The following ATP8A2 variants were observed in gnomAD, a reference collection of about 807,000 sequenced individuals.
ATP8A2 encodes phospholipid-transporting ATPase IB.
Under a neutral mutation model 165.6 loss-of-function variants are expected in ATP8A2, and 100 were observed. That is an observed-to-expected ratio of 0.60 (90% CI 0.51 to 0.71). The LOEUF (loss-of-function observed/expected upper bound fraction) is 0.71. ATP8A2 is among the 30% of genes least tolerant of loss of function. The probability of loss-of-function intolerance (pLI) is 0.00; values close to 1 mark genes in which losing one functional copy is unlikely to be tolerated. For missense variants in ATP8A2, 1,227 were observed against 1,479.5 expected, an observed-to-expected ratio of 0.83 and a Z score of 2.80; for synonymous variants, 543 against 548.8, an observed-to-expected ratio of 0.99 and a Z score of 0.15.
intron 30 of ATP8A2, among the ~76,000 whole-genome samples, chr13:25,851,037 A>T (rs1039267970): frequency 1.6e-4 from 25 of 152,204 alleles, no homozygotes; most frequent in African/African-American, 6.0e-4. Flanking sequence ...AAGTCCCAGA[A>T]TCTCACCTTG....
intron 30 of ATP8A2, among the ~76,000 whole-genome samples, chr13:25,849,738 C>T (rs1486144248): frequency 6.6e-6 from 1 of 152,124 alleles, no homozygotes; most frequent in African/African-American, 2.4e-5. Context: ...TGAACCCCAA[C>T]CAGATTTCAT....
At chr13:25,848,522 C>T (rs1270746343) in intron 30 of ATP8A2, among the ~76,000 whole-genome samples, 10 of 152,270 alleles carry the variant, frequency 6.6e-5, no homozygotes, top group African/African-American at 7.2e-5. Context: ...GTTTACTTTG[C>T]GTCATTTTTA....
chr13:25,927,950 G>A (rs1393012631), intron 33 of ATP8A2, among the ~76,000 whole-genome samples: 3 of 152,196 alleles, frequency 2.0e-5, no homozygotes, highest in African/African-American at 7.2e-5. Context: ...CCCACATTTG[G>A]TATCACTGCA....
At chr13:25,821,494 A>G (rs1452164500) in intron 27 of ATP8A2, among the ~76,000 whole-genome samples, 1 of 152,210 alleles carries the variant, frequency 6.6e-6, no homozygotes, top group African/African-American at 2.4e-5. Context: ...AGTTATAGGA[A>G]TCTGTTATTC....
At chr13:25,576,461 G>A (rs2039621368) in intron 19 of ATP8A2, among the ~76,000 whole-genome samples, 2 of 152,084 alleles carry the variant, frequency 1.3e-5, no homozygotes, top group South Asian at 2.1e-4. Flanking sequence ...ACAGGTGGAC[G>A]GAGAGCAGTA....
intron 34 of ATP8A2, among the ~76,000 whole-genome samples, chr13:25,965,786 C>T (rs1347520097): frequency 6.6e-6 from 1 of 152,162 alleles, no homozygotes; most frequent in East Asian, 1.9e-4. Context: ...ATCAACAATA[C>T]AGTCCCCGAT....
In ATP8A2 at chr13:25,515,180, G is replaced by C. The variant is rs543404503; in HGVS notation, c.222-14819G>C. 4.6e-5 allele frequency among the ~76,000 whole-genome samples: 7 copies of C among 152,296 alleles called. No homozygotes were observed. In the South Asian group the frequency reaches 1.5e-3, roughly 32 times the overall value. ...CGCCTTCAGAGCTACTGAAACAATG[G>C]TTATTCCTGAGTTTCCAACCCACCG... On this transcript the variant is annotated intron_variant, in intron 2 of 36. Transcript: ENST00000381655.
intron 24 of ATP8A2, among the ~76,000 whole-genome samples, chr13:25,626,498 G>T (rs1449621973): frequency 6.6e-6 from 1 of 152,140 alleles, no homozygotes; most frequent in Non-Finnish European, 1.5e-5. Flanking sequence ...TGTCCAATCA[G>T]CATATGAATT....
intron 27 of ATP8A2, among the ~76,000 whole-genome samples, chr13:25,825,055 G>T (rs1294105387): frequency 6.7e-6 from 1 of 149,212 alleles, no homozygotes; most frequent in African/African-American, 2.5e-5. Flanking sequence ...CTCTTGATTT[G>T]GTCTAATCTG....
chr13:25,560,997 C>G (rs1268969196), intron 15 of ATP8A2, among the ~76,000 whole-genome samples: 3 of 151,692 alleles, frequency 2.0e-5, no homozygotes, highest in African/African-American at 7.3e-5. Flanking sequence ...TACCATTCTC[C>G]TGCCTCAGCC....
chr13:25,436,148 T>C (rs2034769319), intron 1 of ATP8A2, among the ~76,000 whole-genome samples: 1 of 151,938 alleles, frequency 6.6e-6, no homozygotes, highest in Non-Finnish European at 1.5e-5. Context: ...ACTCAGGGGG[T>C]ACATGTGCAG....
chr13:25,974,980 AT>A (rs1227949638), intron 35 of ATP8A2, among the ~76,000 whole-genome samples: 1 of 151,890 alleles, frequency 6.6e-6, no homozygotes. Context: ...AACCACAGTG[AT>A]TTCCGCCTCT....
chr13:25,861,234 C>T (rs779121514), intron 32 of ATP8A2, among the ~76,000 whole-genome samples: 1 of 151,702 alleles, frequency 6.6e-6, no homozygotes, highest in South Asian at 2.1e-4. Flanking sequence ...TGGAACCTTC[C>T]GGACTTCGTT....
chr13:25,396,615 A>C (rs2033434327), intron 1 of ATP8A2, among the ~76,000 whole-genome samples: 2 of 152,106 alleles, frequency 1.3e-5, no homozygotes, highest in South Asian at 4.1e-4. Context: ...GGTAGCCTGC[A>C]ATCATGAGGG....
At chr13:26,011,465 T>G (rs952799118) in intron 35 of ATP8A2, among the ~76,000 whole-genome samples, 1 of 152,172 alleles carries the variant, frequency 6.6e-6, no homozygotes, top group Non-Finnish European at 1.5e-5. Flanking sequence ...TCTGAGGTAC[T>G]AGGGGTAAAG....
At chr13:25,678,134 G>A (rs1031527111) in intron 24 of ATP8A2, among the ~76,000 whole-genome samples, 1 of 152,142 alleles carries the variant, frequency 6.6e-6, no homozygotes, top group African/African-American at 2.4e-5. Context: ...ACAAGAACTT[G>A]GCCTTCAACT....
intron 24 of ATP8A2, among the ~76,000 whole-genome samples, chr13:25,625,246 A>G (rs892075546): frequency 1.3e-5 from 2 of 152,120 alleles, no homozygotes; most frequent in African/African-American, 4.8e-5. Context: ...ATAAGAGAAA[A>G]CCTTTTATTT....
At position 25,704,296 on chromosome 13, in the gene ATP8A2, C is replaced by A. The variant is rs149159978; in HGVS notation, c.2384+4951C>A. On this transcript the variant is annotated intron_variant, in intron 25 of 36. Coordinates refer to ENST00000381655, the MANE Select transcript of ATP8A2 (RefSeq NM_016529.6). Reference sequence around the variant, plus strand: ...CATCTGCTTGTCCAGCGTGGCCCCTCACTTCAGCTCCAGTTTCTGTACATC... The same window carrying A: ...CATCTGCTTGTCCAGCGTGGCCCCTAACTTCAGCTCCAGTTTCTGTACATC... Among the ~76,000 whole-genome samples the A allele has an allele frequency of 1.5e-3, 231 of 151,862 alleles. 1 individual carries two copies. The highest frequency in any genetic ancestry group is 5.2e-3 in the African/African-American group (214 of 41,428).
intron 25 of ATP8A2, among the ~76,000 whole-genome samples, chr13:25,740,777 T>C (rs932799291): frequency 1.3e-5 from 2 of 152,208 alleles, no homozygotes; most frequent in African/African-American, 4.8e-5. Flanking sequence ...GTTCCTAGCA[T>C]GTAAATGAAT....
Sources: gnomAD v4.1 joint callset for allele counts (sites outside exome capture counted in the v4.1 genomes callset) on GRCh38, gnomAD v4.1.1 for gene constraint, MANE v1.5 for transcripts, NCBI Gene and HGNC (gene_info 2026-07-23, HGNC 2026-07-21) for gene names.